The following C12orf42 variants were observed in gnomAD, a reference collection of about 807,000 sequenced individuals.
The protein encoded by C12orf42 is uncharacterized protein C12orf42.
C12orf42 carries 25 observed loss-of-function variants against 21.6 expected under a neutral mutation model. The ratio of observed to expected loss-of-function variants is 1.16; its 90% CI spans 0.84 to 1.62. The LOEUF is 1.62. C12orf42 is among the 40% of genes most tolerant of loss of function. The probability of loss-of-function intolerance (pLI) is 0.00; values close to 1 mark genes in which losing one functional copy is unlikely to be tolerated. For missense variants in C12orf42, 483 were observed against 459.3 expected, an observed-to-expected ratio of 1.05 and a Z score of -0.47; for synonymous variants, 174 against 175.0, an observed-to-expected ratio of 0.99 and a Z score of 0.05.
the C12orf42 span, among the ~76,000 whole-genome samples, chr12:103,063,031 A>G: frequency 6.6e-6 from 1 of 152,214 alleles, no homozygotes; most frequent in African/African-American, 2.4e-5. Context: ...AAAGTTATGC[A>G]GAATAAATAC....
chr12:103,047,897 G>T, the C12orf42 span, among the ~76,000 whole-genome samples: 1 of 152,158 alleles, frequency 6.6e-6, no homozygotes. Context: ...AGGTTTCTTT[G>T]AGGCTCAGGC....
chr12:103,348,790 A>G (rs1429942920), intron 4 of C12orf42, among the ~76,000 whole-genome samples: 1 of 152,206 alleles, frequency 6.6e-6, no homozygotes, highest in Admixed American at 6.6e-5. Context: ...CAACAGGATG[A>G]ACAGCAAAGA....
At chr12:103,221,332 ACT>A in the C12orf42 span, among the ~76,000 whole-genome samples, 1 of 152,100 alleles carries the variant, frequency 6.6e-6, no homozygotes, top group Non-Finnish European at 1.5e-5. Context: ...TGAATGCCAA[ACT>A]CTATGAGATG....
chr12:103,358,183 T>C (rs1257770022), intron 4 of C12orf42, among the ~76,000 whole-genome samples: 1 of 152,096 alleles, frequency 6.6e-6, no homozygotes, highest in Non-Finnish European at 1.5e-5. Flanking sequence ...TGTAATATGT[T>C]TTAATGTTTC....
intron 4 of C12orf42, among the ~76,000 whole-genome samples, chr12:103,296,889 T>C (rs1593318720): frequency 6.6e-6 from 1 of 152,338 alleles, no homozygotes; most frequent in East Asian, 1.9e-4. Context: ...CAATTTTGGC[T>C]TTTGTTGCCA....
chr12:103,428,858 T>A (rs1476414019), intron 2 of C12orf42, among the ~76,000 whole-genome samples: 7 of 151,716 alleles, frequency 4.6e-5, no homozygotes, highest in Admixed American at 3.3e-4. Context: ...ACAAAACCAA[T>A]GACAAAAACC....
the C12orf42 span, among the ~76,000 whole-genome samples, chr12:103,059,589 G>A: frequency 6.6e-6 from 1 of 152,150 alleles, no homozygotes; most frequent in African/African-American, 2.4e-5. Flanking sequence ...GAAAATACTG[G>A]CAAACTGAAT....
chr12:103,157,783 G>A, the C12orf42 span, among the ~76,000 whole-genome samples: 4 of 152,172 alleles, frequency 2.6e-5, no homozygotes, highest in Admixed American at 1.3e-4. Flanking sequence ...GGTTGTAGGT[G>A]TGTGGTGTTA....
chr12:103,052,961 A>T, the C12orf42 span, among the ~76,000 whole-genome samples: 2 of 151,984 alleles, frequency 1.3e-5, no homozygotes, highest in African/African-American at 2.4e-5. Context: ...GTAGGCTTTT[A>T]TGAGAACATC....
the C12orf42 span, chr12:103,156,066 T>C: frequency 6.6e-6 from 1 of 152,182 alleles, no homozygotes; most frequent in South Asian, 2.1e-4. Flanking sequence ...AGTAGTGTTA[T>C]AATTATAATT....
the C12orf42 span, among the ~76,000 whole-genome samples, chr12:103,096,890 C>A: frequency 1.3e-5 from 2 of 152,102 alleles, no homozygotes; most frequent in Non-Finnish European, 2.9e-5. Context: ...TGTCTTGCCA[C>A]TTTTCCACTG....
At chr12:103,091,485 A>G in the C12orf42 span, among the ~76,000 whole-genome samples, 1 of 152,128 alleles carries the variant, frequency 6.6e-6, no homozygotes, top group Non-Finnish European at 1.5e-5. Context: ...TGGAAAAATG[A>G]TAGAGAAGCT....
chr12:103,294,807 T>C (rs1328055105), intron 4 of C12orf42, among the ~76,000 whole-genome samples: 6 of 152,180 alleles, frequency 3.9e-5, no homozygotes, highest in East Asian at 1.9e-4. Context: ...GCTTGTTACA[T>C]AGGTAAACTT....
intron 2 of C12orf42, among the ~76,000 whole-genome samples, chr12:103,448,986 C>G (rs903706061): frequency 6.6e-6 from 1 of 151,958 alleles, no homozygotes; most frequent in Non-Finnish European, 1.5e-5. Flanking sequence ...GAAAAAGATA[C>G]TTGCACACAC....
chr12:103,202,024 TG>T, the C12orf42 span, among the ~76,000 whole-genome samples: 1 of 152,212 alleles, frequency 6.6e-6, no homozygotes, highest in African/African-American at 2.4e-5. Flanking sequence ...ACTTCAACAA[TG>T]CAAACACCTA....
At chr12:103,276,469 C>T (rs1593262797) in intron 5 of C12orf42, among the ~76,000 whole-genome samples, 1 of 152,206 alleles carries the variant, frequency 6.6e-6, no homozygotes, top group East Asian at 1.9e-4. Context: ...AACTTCCCAT[C>T]CCATTGTTCG....
intron 3 of C12orf42, among the ~76,000 whole-genome samples, chr12:103,373,512 T>C (rs1243570928): frequency 6.6e-6 from 1 of 152,170 alleles, no homozygotes; most frequent in Non-Finnish European, 1.5e-5. Flanking sequence ...CCATTCTAAG[T>C]ACAGTAGCCA....
the C12orf42 span, among the ~76,000 whole-genome samples, chr12:103,156,826 T>C: frequency 6.6e-6 from 1 of 152,238 alleles, no homozygotes; most frequent in African/African-American, 2.4e-5. Context: ...CATGGCTGCA[T>C]AGTATTCCAT....
the C12orf42 span, chr12:103,178,088 G>C: frequency 6.6e-6 from 1 of 152,194 alleles, no homozygotes; most frequent in African/African-American, 2.4e-5. Flanking sequence ...GCGAAGAAAG[G>C]AAGGAAGGAA....
Sources: gnomAD v4.1 joint callset for allele counts (sites outside exome capture counted in the v4.1 genomes callset) on GRCh38, gnomAD v4.1.1 for gene constraint, MANE v1.5 for transcripts, NCBI Gene and HGNC (gene_info 2026-07-23, HGNC 2026-07-21) for gene names.